The following CXCL9 variants were observed in gnomAD, a reference collection of about 807,000 sequenced individuals.
CXCL9 encodes C-X-C motif chemokine 9.
Under a neutral mutation model 11.7 loss-of-function variants are expected in CXCL9, and 8 were observed. The ratio of observed to expected loss-of-function variants is 0.68; its 90% CI spans 0.40 to 1.23. The LOEUF is 1.23. CXCL9 is among the 50% of genes most tolerant of loss of function. The pLI is 0.01. For synonymous variants in CXCL9, 43 were observed against 48.2 expected (o/e 0.89, Z 0.45); for missense variants, 133 against 141.7 (o/e 0.94, Z 0.31).
Position 76,004,795 on chromosome 4 carries a change from T to C in CXCL9, c.276+14A>G. 1 of 1,585,426 alleles carries C rather than the reference T, an allele frequency of 6.3e-7. No homozygotes were observed. Among genetic ancestry groups the C allele is most frequent in the Non-Finnish European group, 8.5e-7 (1 of 1,171,674 alleles). On this transcript the variant is annotated intron_variant, in intron 3 of 3. Coordinates refer to ENST00000264888, the MANE Select transcript of CXCL9 (RefSeq NM_002416.3). Reference sequence around the variant, plus strand: ...TCTAAAAGAAAGAAAATTTTGATCTTCCTTTTCACCAACCTGTTTCTCCCA... The same window carrying C: ...TCTAAAAGAAAGAAAATTTTGATCTCCCTTTTCACCAACCTGTTTCTCCCA...
In CXCL9 at chr4:76,001,454, A is replaced by T. The variant is rs977188981; in HGVS notation, c.*2144T>A. ...TGAAGGGTACATTCAAGAGAAAAAA[A>T]ATCAAGATCTGTTTTCTGATTAATG... On this transcript the variant is annotated 3_prime_UTR_variant, in exon 4 of 4. Coordinates refer to ENST00000264888, the MANE Select transcript of CXCL9 (RefSeq NM_002416.3). The T allele has an allele frequency of 6.6e-6, 1 of 152,242 alleles. No homozygotes were observed. The highest frequency in any genetic ancestry group is 2.4e-5 in the African/African-American group (1 of 41,468). 9.4% of individuals were successfully genotyped at this position (152,242 alleles called of 1,614,324 possible).
chr4:76,007,355 T>G (rs752643352), intron 1 of CXCL9, 31 bp downstream of exon 1: 11 of 1,239,498 alleles, frequency 8.9e-6, no homozygotes, highest in Non-Finnish European at 1.3e-5. Context: ...ATCACTTCTC[T>G]TACTTTACAA....
Position 76,001,307 on chromosome 4 carries a change from T to G in CXCL9, c.*2291A>C, listed in dbSNP as rs1293512409. 6.6e-6 allele frequency: 1 copy of G among 152,210 alleles called. No homozygotes were observed. The highest frequency in any genetic ancestry group is 1.5e-5 in the Non-Finnish European group (1 of 68,040). The allele number at this position is 152,210 out of a possible 1,614,324, so 9.4% of individuals were successfully genotyped here. A position where few individuals can be genotyped will look rare whatever the true frequency, so the allele number is the denominator to read the frequency against. On this transcript the variant is annotated 3_prime_UTR_variant, in exon 4 of 4. Transcript: ENST00000264888. ...CATATTTTCCATAGGTTTTTTTTCC[T>G]GTTCCCGATCGACCCTTTAAAGAGC...
At position 76,006,194 on chromosome 4, in the gene CXCL9, G is replaced by A; in HGVS notation, c.145C>T (p.Leu49Phe). ...GAAGGGCTTGGGGCAAATTGTTTAA[G>A]GTCTTTCAAGGATTGTAGGTGGATA... is the stretch of plus-strand genomic sequence containing the variant. Reference protein sequence around the residue: ...GTIHLQSLKDLKQFAPSPSCE... With the variant: ...GTIHLQSLKDFKQFAPSPSCE... The change falls in exon 2 of 4, where the codon CTT becomes TTT. Residue 49 changes from leucine to phenylalanine, a missense_variant. Physicochemically the swap from Leu to Phe is conservative, Grantham distance 22. Coordinates refer to ENST00000264888, the MANE Select transcript of CXCL9 (RefSeq NM_002416.3). The A allele has an allele frequency of 6.2e-7, 1 of 1,613,740 alleles. No individual in the cohort carries two copies. The highest frequency in any genetic ancestry group is 8.5e-7 in the Non-Finnish European group (1 of 1,179,732).
intron 1 of CXCL9, among the ~76,000 whole-genome samples, chr4:76,006,557 C>T (rs1731591107): frequency 6.6e-6 from 1 of 152,218 alleles, no homozygotes; most frequent in Non-Finnish European, 1.5e-5. Context: ...TTAACTACCA[C>T]ACCGTAAGTC....
At chr4:76,004,752 T>C in intron 3 of CXCL9, 57 bp downstream of exon 3, 2 of 1,565,590 alleles carry the variant, frequency 1.3e-6, no homozygotes. Context: ...GCAGATTCTT[T>C]GTCTTCTAAA....
At chr4:76,007,268 T>C (rs1731605847) in intron 1 of CXCL9, 118 bp downstream of exon 1, 4 of 752,510 alleles carry the variant, frequency 5.3e-6, no homozygotes, top group Non-Finnish European at 9.7e-6. Context: ...GAAGCTTTTA[T>C]GACTGACCAA....
chr4:76,005,185 T>C, intron 2 of CXCL9: 2 of 225,000 alleles, frequency 8.9e-6, no homozygotes, highest in Non-Finnish European at 1.7e-5. Flanking sequence ...TAGCTGGGAC[T>C]ACAGGCATGC....
chr4:76,005,862 T>G (rs905922388), intron 2 of CXCL9: 1 of 284,570 alleles, frequency 3.5e-6, no homozygotes, highest in African/African-American at 2.2e-5. Flanking sequence ...GTTAACAGTA[T>G]TTGTCACTCA....
rs750941174 is a variant in CXCL9 at position 76,006,247 on chromosome 4, C to T, written c.92G>A (p.Cys31Tyr). Residue 31 changes from cysteine (C) to tyrosine (Y), a missense_variant, in exon 2 of 4, where the codon TGT becomes TAT. Transcript: ENST00000264888. ...CCCTTGGTTGGTGCTGATGCAGGAA[C>T]AGCGACCCTTTCTCACTACTGGGGT... ...QGTPVVRKGR[C>Y]SCISTNQGTI... The T allele has an allele frequency of 7.4e-6, 12 of 1,613,600 alleles. No homozygotes were observed. The Admixed American group carries it at 1.8e-4, about 25-fold the overall frequency.
chr4:76,002,118 G>C lies in CXCL9; in HGVS notation c.*1480C>G. The C allele has an allele frequency of 2.5e-6, 1 of 394,778 alleles. No homozygotes were observed. The highest frequency in any genetic ancestry group is 4.5e-6 in the Non-Finnish European group (1 of 224,208). The allele number at this position is 394,778 out of a possible 1,614,324, so 24.5% of individuals were successfully genotyped here. On this transcript the variant is annotated 3_prime_UTR_variant, in exon 4 of 4. Coordinates refer to ENST00000264888, the MANE Select transcript of CXCL9 (RefSeq NM_002416.3). ...CTCATATTTGCCTAAAATGAGTTTC[G>C]ATAAGGATCTCGGTGGCTATCTTGT...
rs1250316255 is a variant in CXCL9, at chr4:76,001,813, C to G, written c.*1785G>C. The G allele has an allele frequency of 6.3e-6, 1 of 158,562 alleles. No individual in the cohort carries two copies. The highest frequency in any genetic ancestry group is 1.4e-5 in the Non-Finnish European group (1 of 72,346). 9.8% of individuals were successfully genotyped at this position (158,562 alleles called of 1,614,324 possible). On this transcript the variant is annotated 3_prime_UTR_variant, in exon 4 of 4. Transcript: ENST00000264888. The stretch of plus-strand genomic sequence containing the variant: ...GGTGGGATCTCCACCGGACAGCACT[C>G]TAAATCATCAGCAGTGTGAGCAGTG...
rs1229256404 is a variant in CXCL9 at position 76,001,475 on chromosome 4, T to G, written c.*2123A>C. 6.6e-6 allele frequency: 1 copy of G among 152,248 alleles called. No homozygotes were observed. The highest frequency in any genetic ancestry group is 1.5e-5 in the Non-Finnish European group (1 of 68,036). 9.4% of individuals were successfully genotyped at this position (152,248 alleles called of 1,614,324 possible). On this transcript the variant is annotated 3_prime_UTR_variant, in exon 4 of 4. Coordinates refer to ENST00000264888, the MANE Select transcript of CXCL9 (RefSeq NM_002416.3). ...AAAAAATCAAGATCTGTTTTCTGATTAATGGTCTATTTATTGATACCATTC... is the reference window on the plus strand; with the variant it reads ...AAAAAATCAAGATCTGTTTTCTGATGAATGGTCTATTTATTGATACCATTC...
chr4:76,005,568 T>C (rs79298906), intron 2 of CXCL9: 19,564 of 152,220 alleles, frequency 0.13, 1,773 homozygotes, highest in East Asian at 0.38. Flanking sequence ...AATTTGGAAA[T>C]AATCTATATT....
intron 1 of CXCL9, among the ~76,000 whole-genome samples, chr4:76,006,562 T>G (rs187425771): frequency 6.6e-6 from 1 of 152,348 alleles, no homozygotes; most frequent in East Asian, 1.9e-4. Flanking sequence ...TACCACACCG[T>G]AAGTCCGTGG....
chr4:76,006,524 C>T (rs889661651), intron 1 of CXCL9, among the ~76,000 whole-genome samples: 13 of 152,212 alleles, frequency 8.5e-5, no homozygotes, highest in African/African-American at 2.9e-4. Flanking sequence ...GCCCAGATCT[C>T]TCTGAGTCCA....
In CXCL9 at chr4:76,003,449, A is replaced by G. The variant is rs952981084; in HGVS notation, c.*149T>C. 1 of 574,484 alleles carries G rather than the reference A, an allele frequency of 1.7e-6. No individual in the cohort carries two copies. Among genetic ancestry groups the G allele is most frequent in the Non-Finnish European group, 3.1e-6 (1 of 326,470 alleles). 35.6% of individuals were successfully genotyped at this position (574,484 alleles called of 1,614,324 possible). ...TTTGGATTCTTAAAATCAACTTTCT[A>G]ACTTTAGTTACAATTTCAGAGTAAT... On this transcript the variant is annotated 3_prime_UTR_variant, in exon 4 of 4. Transcript: ENST00000264888.
chr4:76,003,885 C>T (rs1180152588), intron 3 of CXCL9, among the ~76,000 whole-genome samples, 186 bp from the exon 4 acceptor site: 1 of 152,186 alleles, frequency 6.6e-6, no homozygotes, highest in Non-Finnish European at 1.5e-5. Context: ...GAGGCAACAG[C>T]CTTCAAACTG....
intron 3 of CXCL9, among the ~76,000 whole-genome samples, chr4:76,004,301 C>T (rs1408000513): frequency 1.3e-5 from 2 of 152,190 alleles, no homozygotes; most frequent in Non-Finnish European, 2.9e-5. Flanking sequence ...TCATGCTGTC[C>T]TTACCTTCCT....
Sources: gnomAD v4.1 joint callset for allele counts (sites outside exome capture counted in the v4.1 genomes callset) on GRCh38, gnomAD v4.1.1 for gene constraint, MANE v1.5 for transcripts, NCBI Gene and HGNC (gene_info 2026-07-23, HGNC 2026-07-21) for gene names.